The following ATP11C variants were observed in gnomAD, a reference collection of about 807,000 sequenced individuals.
ATP11C encodes ATPase phospholipid transporting 11C (ATP11C blood group).
A neutral mutation model predicts 97.4 loss-of-function variants in ATP11C; 36 were observed. The observed-to-expected ratio is 0.37, with a 90% CI of 0.28 to 0.49. ATP11C has a LOEUF of 0.49. Ranked by LOEUF, ATP11C falls within the 20% of genes least tolerant of loss-of-function variation. ATP11C has a pLI of 0.98. For synonymous variants in ATP11C, 275 were observed against 290.9 expected (o/e 0.95, Z 0.56); for missense variants, 730 against 824.6 (o/e 0.89, Z 1.40).
At chrX:139,934,467 T>C (rs930139119), upstream of ATP11C, among the ~76,000 whole-genome samples, 2 of 111,176 alleles carry the variant, frequency 1.8e-5, no homozygotes, top group African/African-American at 6.5e-5. Flanking sequence ...TTATGATATT[T>C]TATTGACAAA....
At chrX:139,866,778 C>T (rs2084294770) in intron 1 of ATP11C, among the ~76,000 whole-genome samples, 1 of 110,714 alleles carries the variant, frequency 9.0e-6, no homozygotes, top group Non-Finnish European at 1.9e-5. Context: ...TGGCTCCAAA[C>T]ACTACACTCT....
At chrX:139,785,343 G>A in intron 15 of ATP11C, 44 bp from the exon 16 acceptor site, 1 of 931,763 alleles carries the variant, frequency 1.1e-6, no homozygotes, top group Non-Finnish European at 1.5e-6. Context: ...AATATACTGA[G>A]AAAAATAAAG....
At chrX:139,823,805 A>C (rs1406006219) in intron 2 of ATP11C, among the ~76,000 whole-genome samples, 1 of 112,298 alleles carries the variant, frequency 8.9e-6, no homozygotes, top group Non-Finnish European at 1.9e-5. Flanking sequence ...CCGAAAACCA[A>C]AAATAAACAA....
intron 1 of ATP11C, among the ~76,000 whole-genome samples, chrX:139,833,296 C>A (rs753866984): frequency 2.0e-4 from 22 of 111,984 alleles, no homozygotes; most frequent in South Asian, 3.7e-4. Flanking sequence ...CACATCCAGG[C>A]TATAACTTTT....
intron 18 of ATP11C, among the ~76,000 whole-genome samples, chrX:139,780,120 T>A (rs1430744980): frequency 1.8e-5 from 2 of 111,468 alleles, no homozygotes; most frequent in Non-Finnish European, 3.8e-5. Flanking sequence ...CAGATGTATA[T>A]AAAGAAGAGT....
chrX:139,779,733 T>C (rs1046565691), intron 18 of ATP11C, among the ~76,000 whole-genome samples: 4 of 111,352 alleles, frequency 3.6e-5, no homozygotes, highest in Admixed American at 9.5e-5. Context: ...ACAAAGATTG[T>C]AGCAGAACTA....
chrX:139,770,951 T>A (rs1016920856), intron 19 of ATP11C, among the ~76,000 whole-genome samples: 1 of 111,769 alleles, frequency 8.9e-6, no homozygotes, highest in Non-Finnish European at 1.9e-5. Context: ...GGGATTTGCA[T>A]CTGTTATAAA....
intron 1 of ATP11C, among the ~76,000 whole-genome samples, chrX:139,916,387 A>G (rs1402692738): frequency 8.9e-6 from 1 of 111,750 alleles, no homozygotes; most frequent in Non-Finnish European, 1.9e-5. Flanking sequence ...TCAGGCAGTG[A>G]GGCATTAGGG....
chrX:139,728,751 C>G lies in ATP11C; in HGVS notation c.*215G>C. 1 of 403,948 alleles carries G rather than the reference C, an allele frequency of 2.5e-6. No homozygotes were observed. The highest frequency in any genetic ancestry group is 4.2e-6 in the Non-Finnish European group (1 of 236,879). The allele number at this position is 403,948 out of a possible 1,213,427, so 33.3% of individuals were successfully genotyped here. A position where few individuals can be genotyped will look rare whatever the true frequency, so the allele number is the denominator to read the frequency against. On this transcript the variant is annotated 3_prime_UTR_variant, in exon 30 of 30. Transcript: ENST00000682941. ...CTTACAGCTTTGGCCATAAAGGCTA[C>G]TTACAATAATGGTAAATGCTTAAGA... is the stretch of plus-strand genomic sequence containing the variant.
chrX:139,774,574 T>C, intron 19 of ATP11C, 116 bp downstream of exon 19: 5 of 674,058 alleles, frequency 7.4e-6, no homozygotes, highest in Non-Finnish European at 1.1e-5. Context: ...CTTATAAGGA[T>C]AAAACACCTG....
intron 23 of ATP11C, among the ~76,000 whole-genome samples, chrX:139,752,976 A>C (rs2081853953): frequency 8.9e-6 from 1 of 111,899 alleles, no homozygotes; most frequent in Admixed American, 9.5e-5. Flanking sequence ...GAAAGAGACC[A>C]GTCATTCCCA....
At chrX:139,795,931 T>G (rs1228495697) in intron 12 of ATP11C, among the ~76,000 whole-genome samples, 1 of 112,151 alleles carries the variant, frequency 8.9e-6, no homozygotes, top group African/African-American at 3.2e-5. Context: ...AGAGCCATAT[T>G]TGCTACCCCA....
intron 23 of ATP11C, among the ~76,000 whole-genome samples, chrX:139,755,812 T>C (rs995291394): frequency 1.8e-5 from 2 of 112,112 alleles, no homozygotes; most frequent in Admixed American, 9.4e-5. Context: ...TTATGCCATA[T>C]ACAAAAATCA....
Position 139,825,813 on chromosome X carries a change from T to C in ATP11C, c.147+891A>G, listed in dbSNP as rs148306572. On this transcript the variant is annotated intron_variant, in intron 2 of 29. Coordinates refer to ENST00000682941, the MANE Select transcript of ATP11C (RefSeq NM_001353812.2). ...TTTATCTCTGCCTTGCCAGGGCACA[T>C]GAGGAAGTGAGGAAAATCTTCAAGA... Among the ~76,000 whole-genome samples, 655 of 112,548 alleles carry C rather than the reference T, an allele frequency of 5.8e-3. 11 individuals are homozygous for C. Among genetic ancestry groups the C allele is most frequent in the African/African-American group, 0.019 (599 of 30,934 alleles).
chrX:139,916,663 T>A (rs935157108), intron 1 of ATP11C, among the ~76,000 whole-genome samples: 3 of 110,878 alleles, frequency 2.7e-5, no homozygotes, highest in Admixed American at 1.9e-4. Context: ...AGGAGAGAAG[T>A]GTACCAGGAA....
intron 1 of ATP11C, among the ~76,000 whole-genome samples, chrX:139,862,688 A>G (rs2084221729): frequency 9.0e-6 from 1 of 111,677 alleles, no homozygotes; most frequent in African/African-American, 3.3e-5. Context: ...ATAGAGGCAG[A>G]GAGCATAACT....
intron 1 of ATP11C, among the ~76,000 whole-genome samples, chrX:139,841,941 A>G (rs1298485663): frequency 8.9e-6 from 1 of 112,390 alleles, no homozygotes; most frequent in African/African-American, 3.2e-5. Context: ...TTATCAGGTT[A>G]TAACTCAAAG....
intron 1 of ATP11C, among the ~76,000 whole-genome samples, chrX:139,899,688 G>C (rs762679611): frequency 3.6e-5 from 4 of 111,284 alleles, no homozygotes; most frequent in African/African-American, 1.3e-4. Context: ...GAAACTACAC[G>C]ATCTTTATAA....
At chrX:139,846,715 C>T (rs766026005) in intron 1 of ATP11C, among the ~76,000 whole-genome samples, 48 of 110,949 alleles carry the variant, frequency 4.3e-4, no homozygotes, top group African/African-American at 1.1e-3. Flanking sequence ...TCTAAAATAG[C>T]GTGTTCATTG....
Sources: gnomAD v4.1 joint callset for allele counts (sites outside exome capture counted in the v4.1 genomes callset) on GRCh38, gnomAD v4.1.1 for gene constraint, MANE v1.5 for transcripts, NCBI Gene and HGNC (gene_info 2026-07-23, HGNC 2026-07-21) for gene names.